MT1A: variants seen among roughly 807,000 people sequenced by gnomAD.
MT1A encodes metallothionein 1A.
In MT1A, 6 loss-of-function variants were observed where a neutral mutation model predicts 5.5. That is an observed-to-expected ratio of 1.09 (90% confidence interval 0.60 to 2.16). MT1A has a LOEUF of 2.16. Among genes scored for constraint, MT1A ranks in the 30% most tolerant of loss-of-function variants. MT1A has a pLI of 0.00. For synonymous variants in MT1A, 23 were observed against 24.8 expected (o/e 0.93, Z 0.21); for missense variants, 69 against 73.4 (o/e 0.94, Z 0.22).
Position 56,638,691 on chromosome 16 carries a change from A to G in MT1A, c.-48A>G. On this transcript the variant is annotated 5_prime_UTR_variant, in exon 1 of 3. In the 5' UTR this introduces an upstream ATG that the reference lacks. Coordinates refer to ENST00000290705, the MANE Select transcript of MT1A (RefSeq NM_005946.3). ...ACCAAGCCTTCCACGTGCGCCTTAT[A>G]GCCTCTCAACTTCTTGCTTGGGATC... 6.2e-7 allele frequency: 1 copy of G among 1,611,576 alleles called. No homozygotes were observed.
intron 2 of MT1A, 136 bp downstream of exon 2, chr16:56,639,465 C>G: frequency 8.7e-7 from 1 of 1,152,420 alleles, no homozygotes. Flanking sequence ...GGATCAGAGC[C>G]AGATCTTTAG....
rs572691940 is a variant in MT1A at position 56,640,008 on chromosome 16, T to A, written c.*58T>A. 1.9e-6 allele frequency: 3 copies of A among 1,602,416 alleles called. No individual in the cohort carries two copies. The highest frequency in any genetic ancestry group is 2.6e-6 in the Non-Finnish European group (3 of 1,172,666). ...GAGTGACCTGCACAAACTTGGAATT[T>A]TTTTTCCATACAACCCTGACCCATT... is the stretch of plus-strand genomic sequence containing the variant. On this transcript the variant is annotated 3_prime_UTR_variant, in exon 3 of 3. Transcript: ENST00000290705.
Position 56,639,895 on chromosome 16 carries a change from G to A in MT1A, c.131G>A (p.Cys44Tyr). 2 of 1,614,180 alleles carry A rather than the reference G, an allele frequency of 1.2e-6. No individual in the cohort carries two copies. The highest frequency in any genetic ancestry group is 1.7e-6 in the Non-Finnish European group (2 of 1,180,030). ...CSCCPMSCAKCAQGCICKGAS... is the reference protein window; with the variant it reads ...CSCCPMSCAKYAQGCICKGAS... ...TGCTGCCCCATGAGCTGTGCCAAGTGTGCCCAGGGCTGCATCTGCAAAGGG... is the reference window on the plus strand; with the variant it reads ...TGCTGCCCCATGAGCTGTGCCAAGTATGCCCAGGGCTGCATCTGCAAAGGG... The change falls in exon 3 of 3, where the codon TGT (cysteine) becomes TAT (tyrosine). Residue 44 changes from cysteine (C) to tyrosine (Y), a missense_variant. By Grantham distance (194) the Cys-to-Tyr change is radical. Transcript: ENST00000290705.
Position 56,639,816 on chromosome 16 carries a change from C to T in MT1A, c.95-43C>T, listed in dbSNP as rs201060154. ...GCTTCTCTGGGGGCAGGGAAGTCCC[C>T]GGTCAAGTCTGGTCTGACCTCTCAC... On this transcript the variant is annotated intron_variant, in intron 2 of 2. Coordinates refer to ENST00000290705, the MANE Select transcript of MT1A (RefSeq NM_005946.3). The T allele has an allele frequency of 2.8e-5, 45 of 1,612,556 alleles. No individual in the cohort carries two copies. In the East Asian group the frequency reaches 4.2e-4, roughly 15 times the overall value.
intron 1 of MT1A, 109 bp downstream of exon 1, chr16:56,638,875 A>G: frequency 1.5e-6 from 2 of 1,320,042 alleles, no homozygotes; most frequent in Non-Finnish European, 2.2e-6. Context: ...GGAGTCATTT[A>G]TTTCATTGAT....
chr16:56,639,129 G>A (rs1288998698), intron 1 of MT1A, 135 bp from the exon 2 acceptor site: 6 of 1,073,384 alleles, frequency 5.6e-6, no homozygotes, highest in Non-Finnish European at 8.3e-6. Flanking sequence ...ATAGAAGTAA[G>A]ATTAGGCTTC....
intron 1 of MT1A, 112 bp from the exon 2 acceptor site, chr16:56,639,152 G>A: frequency 1.6e-6 from 2 of 1,256,122 alleles, no homozygotes; most frequent in African/African-American, 1.5e-5. Context: ...GGTGCCCTGA[G>A]TTGGACAGGA....
At chr16:56,639,122 GAAGT>G in intron 1 of MT1A, 138 bp from the exon 2 acceptor site, 1 of 1,012,806 alleles carries the variant, frequency 9.9e-7, no homozygotes, top group Non-Finnish European at 1.5e-6. Context: ...TCTACAGATA[GAAGT>G]AAGATTAGGC....
Position 56,639,519 on chromosome 16 carries a change from AG to A in MT1A, c.94+192del, listed in dbSNP as rs1211276719. Among the ~76,000 whole-genome samples the A allele has an allele frequency of 1.2e-3, 5 of 4,042 alleles. No homozygotes were observed. In the Non-Finnish European group the frequency reaches 0.1, roughly 81 times the overall value. The allele number at this position is 4,042 out of a possible 152,430, so 2.7% of individuals were successfully genotyped here. A position where few individuals can be genotyped will look rare whatever the true frequency, so the allele number is the denominator to read the frequency against. On this transcript the variant is annotated intron_variant, in intron 2 of 2. Transcript: ENST00000290705. ...TTTCGTTCTTAAAATAGACAAACTGAGGCCAAGAGTGCACCAGCCTGCCAAG... is the reference window on the plus strand; with the variant it reads ...TTTCGTTCTTAAAATAGACAAACTGAGCCAAGAGTGCACCAGCCTGCCAAG...
chr16:56,639,448 T>A, intron 2 of MT1A, 119 bp downstream of exon 2: 1 of 1,234,778 alleles, frequency 8.1e-7, no homozygotes, highest in Non-Finnish European at 1.2e-6. Context: ...CCCCAGCAAC[T>A]GATTCAGGAT....
chr16:56,639,227 C>G, intron 1 of MT1A, 37 bp from the exon 2 acceptor site: 2 of 1,608,084 alleles, frequency 1.2e-6, no homozygotes, highest in Non-Finnish European at 8.5e-7. Flanking sequence ...CTGTTATCTT[C>G]TGTATAAAAT....
At position 56,639,956 on chromosome 16, in the gene MT1A, G is replaced by T. The variant is rs757685038; in HGVS notation, c.*6G>T. 3.7e-6 allele frequency: 6 copies of T among 1,614,006 alleles called. No individual in the cohort carries two copies. Among genetic ancestry groups the T allele is most frequent in the Non-Finnish European group, 5.1e-6 (6 of 1,180,002 alleles). ...AGTGCAGCTGCTGTGCCTGATGTCC[G>T]GACAGCCCTGCTCGAAGATATAGAA... On this transcript the variant is annotated 3_prime_UTR_variant, in exon 3 of 3. Coordinates refer to ENST00000290705, the MANE Select transcript of MT1A (RefSeq NM_005946.3).
chr16:56,639,251 C>G lies in MT1A; in HGVS notation c.29-13C>G. On this transcript the variant is annotated splice_polypyrimidine_tract_variant and intron_variant, in intron 1 of 2. Coordinates refer to ENST00000290705, the MANE Select transcript of MT1A (RefSeq NM_005946.3). The stretch of plus-strand genomic sequence containing the variant: ...TCTGTATAAAATTCACTGCCTTTTT[C>G]TCTTCCTTGCAGGTGGCTCCTGCAC... 3.1e-6 allele frequency: 5 copies of G among 1,611,320 alleles called. No individual in the cohort carries two copies. The highest frequency in any genetic ancestry group is 4.2e-6 in the Non-Finnish European group (5 of 1,178,146).
At chr16:56,639,553 A>G (rs1192269785) in intron 2 of MT1A, among the ~76,000 whole-genome samples, 13 of 152,256 alleles carry the variant, frequency 8.5e-5, no homozygotes, top group Non-Finnish European at 8.8e-5. Flanking sequence ...AAGCACAGAC[A>G]TGACACCTAA....
chr16:56,638,823 A>G (rs1436292317), intron 1 of MT1A, 57 bp downstream of exon 1: 4 of 1,602,316 alleles, frequency 2.5e-6, no homozygotes, highest in African/African-American at 2.7e-5. Flanking sequence ...CACAGGATAG[A>G]TGTCCCTAGG....
In MT1A at chr16:56,639,414, A is replaced by G. The variant is rs1567345963; in HGVS notation, c.94+85A>G. The G allele has an allele frequency of 4.9e-6, 7 of 1,437,900 alleles. No individual in the cohort carries two copies. In the South Asian group the frequency reaches 5.7e-5, roughly 12 times the overall value. 89.1% of individuals were successfully genotyped at this position (1,437,900 alleles called of 1,614,324 possible). On this transcript the variant is annotated intron_variant, in intron 2 of 2. Coordinates refer to ENST00000290705, the MANE Select transcript of MT1A (RefSeq NM_005946.3). ...GAGCTGGGCATGGAGGAGTAGGCCA[A>G]TGATCCATTTCCCACATCCCCTTCC...
At chr16:56,639,083 G>A (rs1960412285) in intron 1 of MT1A, among the ~76,000 whole-genome samples, 181 bp from the exon 2 acceptor site, 1 of 152,102 alleles carries the variant, frequency 6.6e-6, no homozygotes, top group Non-Finnish European at 1.5e-5. Context: ...TGGTTTTTCG[G>A]GATTAAGGAC....
At chr16:56,638,851 A>C (rs556362664) in intron 1 of MT1A, 85 bp downstream of exon 1, 1 of 1,519,792 alleles carries the variant, frequency 6.6e-7, no homozygotes, top group African/African-American at 1.4e-5. Context: ...GTGTTTTTTG[A>C]GTTCTAGCTA....
In MT1A at chr16:56,638,746, C is replaced by A; in HGVS notation, c.8C>A (p.Pro3His). 1 of 1,614,190 alleles carries A rather than the reference C, an allele frequency of 6.2e-7. No homozygotes were observed. The highest frequency in any genetic ancestry group is 8.5e-7 in the Non-Finnish European group (1 of 1,180,032). Residue 3 changes from proline to histidine, a missense_variant, in exon 1 of 3, where the codon CCC (proline) becomes CAC (histidine). Pro to His is a moderately conservative substitution (Grantham distance 77). Transcript: ENST00000290705. ...ACCTCACCGCGGCTCGAAATGGACC[C>A]CAACTGCTCCTGCGCCACTGGTAAG... MDPNCSCATGGSC... is the reference protein window; with the variant it reads MDHNCSCATGGSC...
Sources: allele counts gnomAD v4.1 joint callset (sites outside exome capture counted in the v4.1 genomes callset), GRCh38; gene constraint gnomAD v4.1.1; transcripts MANE v1.5; gene names NCBI Gene and HGNC (gene_info 2026-07-23, HGNC 2026-07-21).